The following ANOS1 variants were observed in gnomAD, a reference collection of about 807,000 sequenced individuals.
ANOS1 encodes the protein anosmin-1.
Under a neutral mutation model 59.0 loss-of-function variants are expected in ANOS1, and 6 were observed. The ratio of observed to expected loss-of-function variants is 0.10; its 90% CI spans 0.06 to 0.20. ANOS1 has a LOEUF of 0.20. Among genes scored for constraint, ANOS1 ranks in the 10% least tolerant of loss-of-function variants. The pLI, the probability that ANOS1 is intolerant of heterozygous loss-of-function variation, is 1.00. For synonymous variants in ANOS1, 217 were observed against 223.4 expected, an observed-to-expected ratio of 0.97 and a Z score of 0.25; for missense variants, 433 against 542.3, an observed-to-expected ratio of 0.80 and a Z score of 2.00.
At chrX:8,603,957 G>A (rs1159467816) in intron 3 of ANOS1, among the ~76,000 whole-genome samples, 2 of 111,439 alleles carry the variant, frequency 1.8e-5, no homozygotes, top group African/African-American at 6.5e-5. Flanking sequence ...CATTAGCAGT[G>A]GCAGTTGGTC....
At position 8,691,499 on chromosome X, in the gene ANOS1, AGATG is replaced by A. The variant is rs747847381; in HGVS notation, c.255+8195_255+8198del. Reference sequence around the variant, plus strand: ...AGACAGATAAATGATAGACAGATTAAGATGGATGGATGGATGGATGGATGGATGG... The same window carrying A: ...AGACAGATAAATGATAGACAGATTAAGATGGATGGATGGATGGATGGATGG... On this transcript the variant is annotated intron_variant, in intron 2 of 13. Coordinates refer to ENST00000262648, the MANE Select transcript of ANOS1 (RefSeq NM_000216.4). 7.3e-3 allele frequency among the ~76,000 whole-genome samples: 811 copies of A among 110,991 alleles called. 4 individuals are homozygous for A. The highest frequency in any genetic ancestry group is 0.013 in the Admixed American group (131 of 10,444).
At chrX:8,630,104 C>G (rs760212843) in intron 2 of ANOS1, among the ~76,000 whole-genome samples, 2 of 111,698 alleles carry the variant, frequency 1.8e-5, no homozygotes, top group African/African-American at 6.5e-5. Flanking sequence ...TAAATAAGTC[C>G]GCATCAGTGA....
chrX:8,635,600 A>G (rs1018623329), intron 2 of ANOS1, among the ~76,000 whole-genome samples: 3 of 111,967 alleles, frequency 2.7e-5, no homozygotes, highest in East Asian at 2.8e-4. Context: ...AATGATATAC[A>G]TAACAAGACA....
At position 8,619,408 on chromosome X, in the gene ANOS1, A is replaced by G. The variant is rs774802304; in HGVS notation, c.318+4200T>C. Among the ~76,000 whole-genome samples, 4 of 111,353 alleles carry G rather than the reference A, an allele frequency of 3.6e-5. No individual in the cohort carries two copies. In the East Asian group the frequency reaches 1.1e-3, roughly 31 times the overall value. On this transcript the variant is annotated intron_variant, in intron 3 of 13. Coordinates refer to ENST00000262648, the MANE Select transcript of ANOS1 (RefSeq NM_000216.4). ...ATCACAAGGTCAGGAGATGGAGACC[A>G]TCCTGGCCAACATGGTGAAACCCCG...
intron 1 of ANOS1, among the ~76,000 whole-genome samples, chrX:8,707,772 C>T (rs747561343): frequency 8.9e-6 from 1 of 111,886 alleles, no homozygotes; most frequent in Non-Finnish European, 1.9e-5. Flanking sequence ...AGGTGTCTGC[C>T]GGGGTGGGGA....
At chrX:8,579,057 C>G (rs1285613984) in intron 6 of ANOS1, among the ~76,000 whole-genome samples, 2 of 112,249 alleles carry the variant, frequency 1.8e-5, no homozygotes, top group African/African-American at 6.5e-5. Flanking sequence ...ATGCAATATT[C>G]TGTATTTTTG....
chrX:8,693,842 G>A (rs1932643303), intron 2 of ANOS1, among the ~76,000 whole-genome samples: 1 of 103,482 alleles, frequency 9.7e-6, no homozygotes, highest in Non-Finnish European at 1.9e-5. Flanking sequence ...TCCTTTCGCA[G>A]CCTCCCAAGT....
intron 2 of ANOS1, among the ~76,000 whole-genome samples, chrX:8,632,847 A>C (rs777299744): frequency 9.0e-6 from 1 of 111,048 alleles, no homozygotes; most frequent in Non-Finnish European, 1.9e-5. Flanking sequence ...TATCTACAAA[A>C]GTTTGCAAAG....
At chrX:8,693,650 G>A (rs1390282970) in intron 2 of ANOS1, among the ~76,000 whole-genome samples, 1 of 109,543 alleles carries the variant, frequency 9.1e-6, no homozygotes, top group East Asian at 2.9e-4. Context: ...GTACACAAAT[G>A]CTCTAATGGG....
In ANOS1 at chrX:8,681,709, T is replaced by C. The variant is rs16992367; in HGVS notation, c.255+17989A>G. 7.2e-3 allele frequency among the ~76,000 whole-genome samples: 808 copies of C among 111,895 alleles called. 9 individuals carry two copies. The highest frequency in any genetic ancestry group is 0.024 in the African/African-American group (744 of 30,764). On this transcript the variant is annotated intron_variant, in intron 2 of 13. Transcript: ENST00000262648. The stretch of plus-strand genomic sequence containing the variant: ...ACAGGACTTTGAGAGGGTCACTCTG[T>C]CCAGCATTTTGCATAATAATCAAGG...
chrX:8,675,785 T>A (rs1210366952), intron 2 of ANOS1, among the ~76,000 whole-genome samples: 1 of 109,492 alleles, frequency 9.1e-6, no homozygotes, highest in Non-Finnish European at 1.9e-5. Flanking sequence ...GGTGATTTGC[T>A]GAACGTATCG....
chrX:8,679,500 T>C (rs1300830351), intron 2 of ANOS1, among the ~76,000 whole-genome samples: 1 of 109,261 alleles, frequency 9.2e-6, no homozygotes, highest in Non-Finnish European at 1.9e-5. Context: ...GTTTCACACT[T>C]TTAAATTATT....
intron 2 of ANOS1, among the ~76,000 whole-genome samples, chrX:8,637,616 AAAG>A (rs1343592379): frequency 8.9e-6 from 1 of 112,328 alleles, no homozygotes; most frequent in East Asian, 2.8e-4. Context: ...AATGAGGCTG[AAAG>A]ATGAAATATT....
At chrX:8,708,412 T>C (rs1164234254) in intron 1 of ANOS1, among the ~76,000 whole-genome samples, 4 of 111,390 alleles carry the variant, frequency 3.6e-5, no homozygotes, top group Non-Finnish European at 7.5e-5. Flanking sequence ...TAAACAAATT[T>C]ACTAGAAAAA....
intron 1 of ANOS1, among the ~76,000 whole-genome samples, chrX:8,715,154 T>C (rs1932834696): frequency 1.8e-5 from 2 of 112,867 alleles, no homozygotes; most frequent in African/African-American, 6.4e-5. Flanking sequence ...CCCAGTAGAA[T>C]AGATGACTTG....
In ANOS1 at chrX:8,704,707, A is replaced by T. The variant is rs185912933; in HGVS notation, c.208-4962T>A. The stretch of plus-strand genomic sequence containing the variant: ...AAAATTAGTGAGGACAGCATGTCAT[A>T]GGCTGCTTGGGATGATTAAAAAGAT... On this transcript the variant is annotated intron_variant, in intron 1 of 13. Transcript: ENST00000262648. 4.3e-3 allele frequency among the ~76,000 whole-genome samples: 478 copies of T among 112,463 alleles called. 2 individuals carry two copies. The highest frequency in any genetic ancestry group is 0.015 in the African/African-American group (455 of 31,023).
At chrX:8,653,325 A>T (rs1931879224) in intron 2 of ANOS1, among the ~76,000 whole-genome samples, 1 of 111,467 alleles carries the variant, frequency 9.0e-6, no homozygotes, top group Non-Finnish European at 1.9e-5. Flanking sequence ...CTCAACCTGT[A>T]GCTATTGGAA....
intron 3 of ANOS1, among the ~76,000 whole-genome samples, chrX:8,610,160 C>T (rs910914158): frequency 3.4e-4 from 37 of 110,119 alleles, no homozygotes; most frequent in African/African-American, 1.2e-3. Context: ...GATAACATCA[C>T]TTATAAAAGT....
At chrX:8,541,175 C>T (rs766366252) in intron 9 of ANOS1, among the ~76,000 whole-genome samples, 52 of 104,995 alleles carry the variant, frequency 5.0e-4, no homozygotes, top group African/African-American at 1.6e-3. Context: ...GAGGCCGAGG[C>T]AGGCAGATCA....
Sources: allele counts gnomAD v4.1 joint callset (sites outside exome capture counted in the v4.1 genomes callset), GRCh38; gene constraint gnomAD v4.1.1; transcripts MANE v1.5; gene names NCBI Gene and HGNC (gene_info 2026-07-23, HGNC 2026-07-21).